SCAI: variants seen among roughly 807,000 people sequenced by gnomAD.
SCAI encodes the protein suppressor of cancer cell invasion.
Under a neutral mutation model 92.2 loss-of-function variants are expected in SCAI, and 24 were observed. The observed-to-expected ratio is 0.26, with a 90% CI of 0.19 to 0.37. The LOEUF (loss-of-function observed/expected upper bound fraction) is 0.37, where lower values mean the gene tolerates loss of function less well. Among genes scored for constraint, SCAI ranks in the 10% least tolerant of loss-of-function variants. The pLI, the probability that SCAI is intolerant of heterozygous loss-of-function variation, is 1.00. For missense variants in SCAI, 450 were observed against 736.2 expected, an observed-to-expected ratio of 0.61 and a Z score of 4.50; for synonymous variants, 261 against 258.6, an observed-to-expected ratio of 1.01 and a Z score of -0.09.
rs1831212817 is a variant in SCAI, at chr9:124,950,251, C to G, written c.*2556G>C. The G allele has an allele frequency of 1.3e-5, 2 of 151,894 alleles. No homozygotes were observed. Among genetic ancestry groups the G allele is most frequent in the African/African-American group, 4.8e-5 (2 of 41,336 alleles). The allele number at this position is 151,894 out of a possible 1,614,324, so 9.4% of individuals were successfully genotyped here. On this transcript the variant is annotated 3_prime_UTR_variant, in exon 18 of 18. Transcript: ENST00000336505. ...GTGGGGAAATCAATATTTTTGGAAC[C>G]AAGAGTCCAAATTACAGAATCAGAG...
chr9:125,139,788 G>A (rs920374983), intron 2 of SCAI, among the ~76,000 whole-genome samples: 1 of 152,184 alleles, frequency 6.6e-6, no homozygotes, highest in African/African-American at 2.4e-5. Context: ...TCAAGGTAGG[G>A]AAACCAGTCA....
intron 2 of SCAI, among the ~76,000 whole-genome samples, chr9:125,113,463 A>G (rs1235971805): frequency 6.6e-6 from 1 of 152,204 alleles, no homozygotes; most frequent in Non-Finnish European, 1.5e-5. Flanking sequence ...TGCGATGACT[A>G]ACTGTAATGT....
intron 2 of SCAI, among the ~76,000 whole-genome samples, chr9:125,072,207 A>G (rs1458662871): frequency 2.0e-5 from 3 of 152,134 alleles, no homozygotes; most frequent in Non-Finnish European, 4.4e-5. Flanking sequence ...TATTTATAGT[A>G]GAGACGGGGT....
chr9:125,137,960 G>A (rs1835575322), intron 2 of SCAI, among the ~76,000 whole-genome samples: 1 of 152,132 alleles, frequency 6.6e-6, no homozygotes. Context: ...TCTGAAAACT[G>A]AACTTTATTT....
At chr9:124,991,581 G>A (rs1165909517) in intron 14 of SCAI, among the ~76,000 whole-genome samples, 1 of 151,966 alleles carries the variant, frequency 6.6e-6, no homozygotes, top group East Asian at 1.9e-4. Flanking sequence ...GCTCATGCCT[G>A]TAATCCCAGC....
chr9:124,962,172 CG>C (rs1253545144), intron 17 of SCAI, among the ~76,000 whole-genome samples: 126 of 93,680 alleles, frequency 1.3e-3, no homozygotes, highest in East Asian at 1.9e-3. Flanking sequence ...TTTTTTTTTG[CG>C]GGGGGGGATG....
At chr9:125,105,482 A>C (rs1404150777) in intron 2 of SCAI, among the ~76,000 whole-genome samples, 1 of 152,226 alleles carries the variant, frequency 6.6e-6, no homozygotes, top group Non-Finnish European at 1.5e-5. Flanking sequence ...TGTTCTTATC[A>C]GTTTAATGTT....
chr9:124,996,235 G>A (rs1439988635), intron 13 of SCAI, among the ~76,000 whole-genome samples: 1 of 151,468 alleles, frequency 6.6e-6, no homozygotes, highest in African/African-American at 2.4e-5. Flanking sequence ...GGGTGGTGCT[G>A]GGGGCAGTGG....
rs533954077 is a variant in SCAI at position 125,010,371 on chromosome 9, G to A, written c.862-6801C>T. Among the ~76,000 whole-genome samples the A allele has an allele frequency of 7.2e-5, 11 of 152,328 alleles. No homozygotes were observed. The South Asian group carries it at 2.3e-3, about 32-fold the overall frequency. ...ACGGGCTTAAAAAACGGTGCACCAG[G>A]AGATTATATCCCGCACATGGCTTGG... is the stretch of plus-strand genomic sequence containing the variant. On this transcript the variant is annotated intron_variant, in intron 9 of 17. Transcript: ENST00000336505.
At chr9:125,136,952 T>G (rs1030917179) in intron 2 of SCAI, among the ~76,000 whole-genome samples, 3 of 151,052 alleles carry the variant, frequency 2.0e-5, no homozygotes, top group African/African-American at 7.3e-5. Flanking sequence ...AGAGATGGGG[T>G]TTCACCATCT....
rs927532519 is a variant in SCAI at position 124,944,774 on chromosome 9, C to T, written c.*8033G>A. On this transcript the variant is annotated 3_prime_UTR_variant, in exon 18 of 18. Transcript: ENST00000336505. ...ATTTCAAATTTTATACTTATTCATA[C>T]TGATTTCATGTTTGAGAAAATTTAT... 3.3e-5 allele frequency: 5 copies of T among 152,102 alleles called. No individual in the cohort carries two copies. Among genetic ancestry groups the T allele is most frequent in the African/African-American group, 1.2e-4 (5 of 41,434 alleles). The allele number at this position is 152,102 out of a possible 1,614,324, so 9.4% of individuals were successfully genotyped here.
At chr9:125,125,955 C>CACACACAT in intron 2 of SCAI, among the ~76,000 whole-genome samples, 1 of 150,696 alleles carries the variant, frequency 6.6e-6, no homozygotes, top group East Asian at 2.0e-4. Context: ...CACACATTCT[C>CACACACAT]TCTCTTTGTC....
chr9:125,081,144 T>C (rs1481704579), intron 2 of SCAI, among the ~76,000 whole-genome samples: 1 of 152,008 alleles, frequency 6.6e-6, no homozygotes, highest in East Asian at 1.9e-4. Context: ...GTGAGCAGAG[T>C]GAAAATGGAA....
intron 2 of SCAI, among the ~76,000 whole-genome samples, chr9:125,093,483 A>G (rs111581790): frequency 0.023 from 3,526 of 151,950 alleles, 143 homozygotes; most frequent in African/African-American, 0.082. Flanking sequence ...CAAATCTCTG[A>G]GATGTTCTCT....
intron 3 of SCAI, among the ~76,000 whole-genome samples, chr9:125,054,968 T>C (rs1588182143): frequency 1.3e-5 from 2 of 152,010 alleles, no homozygotes; most frequent in African/African-American, 2.4e-5. Flanking sequence ...CAAATGAATA[T>C]AGGAAAAAGA....
At chr9:124,982,723 G>T (rs1554776852) in intron 14 of SCAI, among the ~76,000 whole-genome samples, 1 of 151,434 alleles carries the variant, frequency 6.6e-6, no homozygotes, top group Non-Finnish European at 1.5e-5. Flanking sequence ...ACCCAGAAGG[G>T]CTAGAAGCCT....
At chr9:125,003,363 T>A in intron 10 of SCAI, 106 bp downstream of exon 10, 1 of 1,015,208 alleles carries the variant, frequency 9.9e-7, no homozygotes, top group Non-Finnish European at 1.6e-6. Context: ...TCTCATCAAG[T>A]GAATTCTTTA....
chr9:125,047,456 A>G (rs751554465), intron 3 of SCAI, among the ~76,000 whole-genome samples: 1 of 152,194 alleles, frequency 6.6e-6, no homozygotes, highest in African/African-American at 2.4e-5. Context: ...GCCATAGCAA[A>G]CTGATACAGT....
At chr9:125,105,141 G>A (rs544229160) in intron 2 of SCAI, among the ~76,000 whole-genome samples, 1 of 151,920 alleles carries the variant, frequency 6.6e-6, no homozygotes, top group South Asian at 2.1e-4. Flanking sequence ...ACTCCAGCCT[G>A]GCCAACATAG....
Sources: allele counts gnomAD v4.1 joint callset (sites outside exome capture counted in the v4.1 genomes callset), GRCh38; gene constraint gnomAD v4.1.1; transcripts MANE v1.5; gene names NCBI Gene and HGNC (gene_info 2026-07-23, HGNC 2026-07-21).